The following ITK variants were observed in gnomAD, a reference collection of about 807,000 sequenced individuals.
ITK encodes the protein tyrosine-protein kinase ITK/TSK.
A neutral mutation model predicts 87.6 loss-of-function variants in ITK; 45 were observed. That is an observed-to-expected ratio of 0.51 (90% CI 0.40 to 0.66). The LOEUF (loss-of-function observed/expected upper bound fraction) is 0.66, where lower values mean the gene tolerates loss of function less well. Among genes scored for constraint, ITK ranks in the 30% least tolerant of loss-of-function variants. The pLI is 0.00. For synonymous variants in ITK, 303 were observed against 273.6 expected (o/e 1.11, Z -1.06); for missense variants, 605 against 766.3 (o/e 0.79, Z 2.48).
chr5:157,187,989 C>A (rs889198832), intron 1 of ITK, among the ~76,000 whole-genome samples: 2 of 152,000 alleles, frequency 1.3e-5, no homozygotes, highest in Non-Finnish European at 2.9e-5. Context: ...TTTATAGAGA[C>A]AGGGTCTCAC....
rs777143877 is a variant in ITK, at chr5:157,255,018, G to C, written c.*2340G>C. The stretch of plus-strand genomic sequence containing the variant: ...AGATTTTGCATTTTGTACCTTTTGA[G>C]ACTATGTATTTATATTTGGATCAGA... On this transcript the variant is annotated 3_prime_UTR_variant, in exon 17 of 17. Transcript: ENST00000422843. The C allele has an allele frequency of 9.8e-6, 2 of 205,022 alleles. No individual in the cohort carries two copies. The highest frequency in any genetic ancestry group is 3.8e-4 in the South Asian group (2 of 5,264). 12.7% of individuals were successfully genotyped at this position (205,022 alleles called of 1,614,324 possible).
At position 157,217,991 on chromosome 5, in the gene ITK, C is replaced by A. The variant is rs1243867497; in HGVS notation, c.495+84C>A. 5.8e-6 allele frequency: 7 copies of A among 1,207,294 alleles called. No individual in the cohort carries two copies. The Admixed American group carries it at 1.0e-4, about 17-fold the overall frequency. The allele number at this position is 1,207,294 out of a possible 1,614,324, so 74.8% of individuals were successfully genotyped here. ...TTCCTATTTGCATGTCCCCCTCTCC[C>A]CATAGTTTTCAAACCCTGGCTGCAT... On this transcript the variant is annotated intron_variant, in intron 5 of 16. Coordinates refer to ENST00000422843, the MANE Select transcript of ITK (RefSeq NM_005546.4).
intron 1 of ITK, 113 bp from the exon 2 acceptor site, chr5:157,208,776 G>T: frequency 1.3e-6 from 1 of 770,526 alleles, no homozygotes; most frequent in South Asian, 1.5e-5. Context: ...TTGGAGGGTT[G>T]GAATAGGTTT....
chr5:157,182,985 T>G (rs2113733715), intron 1 of ITK, among the ~76,000 whole-genome samples: 1 of 152,288 alleles, frequency 6.6e-6, no homozygotes, highest in Non-Finnish European at 1.5e-5. Context: ...TCAAGACAAT[T>G]ACTTCATTCT....
At chr5:157,212,863 GA>G (rs1754218643) in intron 3 of ITK, among the ~76,000 whole-genome samples, 1 of 150,710 alleles carries the variant, frequency 6.6e-6, no homozygotes, top group South Asian at 2.1e-4. Flanking sequence ...AAAAAAAGAA[GA>G]AAAAAAAGGA....
intron 1 of ITK, among the ~76,000 whole-genome samples, chr5:157,193,801 G>A (rs1409155085): frequency 3.9e-5 from 6 of 152,098 alleles, no homozygotes; most frequent in Admixed American, 1.3e-4. Flanking sequence ...GTGTTGAGTC[G>A]GGACCAGCAG....
intron 8 of ITK, among the ~76,000 whole-genome samples, chr5:157,233,520 T>A (rs1754700597): frequency 6.6e-6 from 1 of 152,124 alleles, no homozygotes; most frequent in Non-Finnish European, 1.5e-5. Flanking sequence ...TGCTGGGAAA[T>A]GTTCAAAAAT....
chr5:157,222,808 G>A (rs1754445824), intron 5 of ITK, 55 bp from the exon 6 acceptor site: 3 of 1,585,650 alleles, frequency 1.9e-6, no homozygotes, highest in Non-Finnish European at 2.6e-6. Flanking sequence ...ATGAAAGGAG[G>A]CATTTTACCT....
At position 157,197,327 on chromosome 5, in the gene ITK, C is replaced by T. The variant is rs571247050; in HGVS notation, c.139-11562C>T. 1.3e-3 allele frequency among the ~76,000 whole-genome samples: 191 copies of T among 152,290 alleles called. 1 individual carries two copies. Among genetic ancestry groups the T allele is most frequent in the African/African-American group, 4.4e-3 (183 of 41,554 alleles). ...GCGGTTACAAGGGCGTGCATCATTT[C>T]GCACACCCAGCATTTGATGCATACC... On this transcript the variant is annotated intron_variant, in intron 1 of 16. Coordinates refer to ENST00000422843, the MANE Select transcript of ITK (RefSeq NM_005546.4).
At chr5:157,182,103 C>A (rs998226919) in intron 1 of ITK, among the ~76,000 whole-genome samples, 1 of 152,130 alleles carries the variant, frequency 6.6e-6, no homozygotes, top group Non-Finnish European at 1.5e-5. Context: ...CCCTATGCTG[C>A]AATTTTTCAA....
intron 1 of ITK, among the ~76,000 whole-genome samples, chr5:157,181,855 A>T (rs1056124067): frequency 6.6e-6 from 1 of 152,180 alleles, no homozygotes; most frequent in Admixed American, 6.5e-5. Context: ...TGTGCTTCTT[A>T]ACATCACTAA....
Position 157,252,762 on chromosome 5 carries a change from C to A in ITK, c.*84C>A. 8.9e-7 allele frequency: 1 copy of A among 1,126,054 alleles called. No homozygotes were observed. The highest frequency in any genetic ancestry group is 1.2e-5 in the South Asian group (1 of 80,988). The allele number at this position is 1,126,054 out of a possible 1,614,324, so 69.8% of individuals were successfully genotyped here. A position where few individuals can be genotyped will look rare whatever the true frequency, so the allele number is the denominator to read the frequency against. ...CATTCCATAGAGCATTAGAAGCTGC[C>A]ACCAGCCCAGGACCCTCCAGAGGCA... On this transcript the variant is annotated 3_prime_UTR_variant, in exon 17 of 17. Transcript: ENST00000422843.
intron 2 of ITK, among the ~76,000 whole-genome samples, chr5:157,210,232 A>G (rs1754161664): frequency 6.6e-6 from 1 of 152,122 alleles, no homozygotes; most frequent in African/African-American, 2.4e-5. Flanking sequence ...AAGTCCTTGT[A>G]TATGAATCTT....
intron 16 of ITK, among the ~76,000 whole-genome samples, 161 bp downstream of exon 16, chr5:157,249,168 C>T (rs142278322): frequency 1.6e-4 from 25 of 152,194 alleles, no homozygotes; most frequent in Non-Finnish European, 3.4e-4. Context: ...GGATAGATCC[C>T]CCATCCCTAA....
intron 1 of ITK, among the ~76,000 whole-genome samples, chr5:157,201,057 A>G (rs1753960219): frequency 6.6e-6 from 1 of 150,494 alleles, no homozygotes; most frequent in Non-Finnish European, 1.5e-5. Context: ...TCACTATCCT[A>G]AAGTCAATTA....
intron 4 of ITK, among the ~76,000 whole-genome samples, chr5:157,217,456 G>A (rs34644396): frequency 0.016 from 2,498 of 152,200 alleles, 29 homozygotes; most frequent in Non-Finnish European, 0.027. Flanking sequence ...ACCATATCAG[G>A]AAGCTAGTGA....
At chr5:157,219,379 C>G (rs1754368321) in intron 5 of ITK, among the ~76,000 whole-genome samples, 1 of 152,184 alleles carries the variant, frequency 6.6e-6, no homozygotes, top group African/African-American at 2.4e-5. Context: ...TCCCAAAGTG[C>G]TGGAATTACA....
intron 4 of ITK, among the ~76,000 whole-genome samples, chr5:157,214,870 C>G (rs1754267845): frequency 6.6e-6 from 1 of 152,100 alleles, no homozygotes; most frequent in Non-Finnish European, 1.5e-5. Context: ...CTCCTTGCCT[C>G]CTCTTCAAAC....
At position 157,252,583 on chromosome 5, in the gene ITK, C is replaced by G. The variant is rs1053915143; in HGVS notation, c.1792-24C>G. On this transcript the variant is annotated intron_variant, in intron 16 of 16. Transcript: ENST00000422843. ...ATGACGCATAAGTACAAGGAACTTA[C>G]AGAGTTCTTTTTTCCCTCTCCAGAG... The G allele has an allele frequency of 1.9e-6, 3 of 1,583,812 alleles. No individual in the cohort carries two copies. The African/African-American group carries it at 4.0e-5, about 21-fold the overall frequency.
Sources: gnomAD v4.1 joint callset for allele counts (sites outside exome capture counted in the v4.1 genomes callset) on GRCh38, gnomAD v4.1.1 for gene constraint, MANE v1.5 for transcripts, NCBI Gene and HGNC (gene_info 2026-07-23, HGNC 2026-07-21) for gene names.